Variants in KCNN1 observed in about 807,000 individuals in gnomAD.
KCNN1 encodes the protein small conductance calcium-activated potassium channel protein 1.
A neutral mutation model predicts 44.7 loss-of-function variants in KCNN1; 20 were observed. That is an observed-to-expected ratio of 0.45 (90% CI 0.32 to 0.65). KCNN1 has a LOEUF of 0.65. Among genes scored for constraint, KCNN1 ranks in the 30% least tolerant of loss-of-function variants. The probability of loss-of-function intolerance (pLI) is 0.05; values close to 1 mark genes in which losing one functional copy is unlikely to be tolerated. For synonymous variants in KCNN1, 324 were observed against 341.7 expected (o/e 0.95, Z 0.57); for missense variants, 632 against 785.3 (o/e 0.80, Z 2.33).
chr19:17,973,905 A>C lies in KCNN1; in HGVS notation c.17A>C (p.Tyr6Ser), dbSNP rs767884449. 1.9e-6 allele frequency: 3 copies of C among 1,554,196 alleles called. No homozygotes were observed. Among genetic ancestry groups the C allele is most frequent in the Non-Finnish European group, 2.6e-6 (3 of 1,151,198 alleles). ...CAGGTAGTCATGAACAGCCACAGCT[A>C]CAATGGCAGCGTGGGGCGGCCGCTG... MNSHS[Y>S]NGSVGRPLGS... The change falls in exon 2 of 10, where the codon TAC (tyrosine) becomes TCC (serine). Residue 6 changes from tyrosine (Y) to serine (S), a missense_variant. By Grantham distance (144) the Tyr-to-Ser change is moderately radical. Around this residue, in one of 3 missense-constraint regions of KCNN1, gnomAD observed 235 missense variants for 224.0 expected, o/e 1.05. Transcript: ENST00000684775.
chr19:17,991,176 C>T (rs1004673301), intron 7 of KCNN1, among the ~76,000 whole-genome samples: 4 of 151,482 alleles, frequency 2.6e-5, no homozygotes, highest in South Asian at 2.1e-4. Context: ...TAAAGCGAGG[C>T]GTGGTGACTC....
chr19:17,970,158 G>A (rs552246203), intron 1 of KCNN1, among the ~76,000 whole-genome samples: 7 of 150,928 alleles, frequency 4.6e-5, no homozygotes, highest in Admixed American at 4.6e-4. Flanking sequence ...GGGCCTGCGG[G>A]AGGTCAGGCC....
rs902990119 is a variant in KCNN1, at chr19:17,981,845, G to A, written c.635G>A (p.Arg212Gln). 3.1e-6 allele frequency: 5 copies of A among 1,612,746 alleles called. No homozygotes were observed. Among genetic ancestry groups the A allele is most frequent in the Middle Eastern group, 1.7e-4 (1 of 6,060 alleles). ...PGHYRFTWTA[R>Q]LAFTYAPSVA... ...CACTACCGCTTCACGTGGACGGCGCGGCTGGCCTTCACGTACGCGCCCTCG... is the reference window on the plus strand; with the variant it reads ...CACTACCGCTTCACGTGGACGGCGCAGCTGGCCTTCACGTACGCGCCCTCG... The change falls in exon 4 of 10, where the codon CGG becomes CAG. Residue 212 changes from arginine to glutamine, a missense_variant. By Grantham distance (43) the Arg-to-Gln change is conservative. This residue lies in a region of KCNN1 where 160 missense variants were observed against 308.3 expected (regional missense o/e 0.52). Transcript: ENST00000684775.
At position 17,982,048 on chromosome 19, in the gene KCNN1, A is replaced by C; in HGVS notation, c.838A>C (p.Ile280Leu). 1 of 1,609,526 alleles carries C rather than the reference A, an allele frequency of 6.2e-7. No individual in the cohort carries two copies. The highest frequency in any genetic ancestry group is 8.5e-7 in the Non-Finnish European group (1 of 1,178,226). ...CTTCGTCATGAAGACACTCATGACCATCTGCCCCGGCACCGTGCTGCTGGT... is the reference window on the plus strand; with the variant it reads ...CTTCGTCATGAAGACACTCATGACCCTCTGCCCCGGCACCGTGCTGCTGGT... ...TRFVMKTLMT[I>L]CPGTVLLVFS... Residue 280 changes from isoleucine to leucine, a missense_variant, in exon 4 of 10, where the codon ATC (isoleucine) becomes CTC (leucine). Transcript: ENST00000684775.
At chr19:17,966,506 C>T (rs2031813295), upstream of KCNN1, among the ~76,000 whole-genome samples, 1 of 152,176 alleles carries the variant, frequency 6.6e-6, no homozygotes, top group African/African-American at 2.4e-5. Context: ...GCTCTGGCTT[C>T]CTGTCATCCT....
At chr19:17,990,343 G>C (rs953504946) in intron 7 of KCNN1, among the ~76,000 whole-genome samples, 2 of 151,832 alleles carry the variant, frequency 1.3e-5, no homozygotes, top group Non-Finnish European at 2.9e-5. Flanking sequence ...ACTTAACTGG[G>C]TGTGGTGGTG....
Position 17,974,050 on chromosome 19 carries a change from C to CTCA in KCNN1, c.163_165dup (p.Ser55dup). 6.2e-7 allele frequency: 1 copy of CTCA among 1,610,632 alleles called. No homozygotes were observed. Among genetic ancestry groups the CTCA allele is most frequent in the Non-Finnish European group, 8.5e-7 (1 of 1,179,310 alleles). ...TGGCCAAGAGTGAGCCAGCCCGGCC[C>CTCA]TCACCCGGCAGCCCCCGGGGGCAGC... is the stretch of plus-strand genomic sequence containing the variant. On this transcript the variant is annotated inframe_insertion, in exon 2 of 10. Coordinates refer to ENST00000684775, the MANE Select transcript of KCNN1 (RefSeq NM_001386974.1). The surrounding 1 kb of genome is among the most constrained non-coding windows in gnomAD (Gnocchi z 7.3).
intron 2 of KCNN1, among the ~76,000 whole-genome samples, chr19:17,957,538 C>T (rs774849242): frequency 2.0e-5 from 3 of 152,034 alleles, no homozygotes; most frequent in African/African-American, 4.8e-5. Flanking sequence ...CTGCTGACAG[C>T]TGGGGGAACA....
Position 17,997,901 on chromosome 19 carries a change from G to GA in KCNN1, c.1378-237dup, listed in dbSNP as rs1320495136. On this transcript the variant is annotated intron_variant, in intron 9 of 9. Transcript: ENST00000684775. ...TGACGGAGGGAGTCTCTGTCTCAAAGAAAAAAAAAAAAAAGAGAGAAAGAA... is the reference window on the plus strand; with the variant it reads ...TGACGGAGGGAGTCTCTGTCTCAAAGAAAAAAAAAAAAAAAGAGAGAAAGAA... Among the ~76,000 whole-genome samples, 395 of 123,934 alleles carry GA rather than the reference G, an allele frequency of 3.2e-3. 2 individuals carry two copies. The highest frequency in any genetic ancestry group is 4.8e-3 in the Non-Finnish European group (277 of 57,516). The allele number at this position is 123,934 out of a possible 152,430, so 81.3% of individuals were successfully genotyped here. A position where few individuals can be genotyped will look rare whatever the true frequency, so the allele number is the denominator to read the frequency against.
intron 2 of KCNN1, 51 bp from the exon 3 acceptor site, chr19:17,975,041 C>T: frequency 6.7e-7 from 1 of 1,489,942 alleles, no homozygotes; most frequent in East Asian, 2.3e-5. Flanking sequence ...GGGAGGGCCG[C>T]CGGCCCACCG....
intron 3 of KCNN1, among the ~76,000 whole-genome samples, chr19:17,976,504 C>T (rs1193866888): frequency 1.3e-5 from 2 of 150,800 alleles, no homozygotes; most frequent in African/African-American, 2.4e-5. Flanking sequence ...CCGCAACCTA[C>T]GCCTCCTGGG....
intron 2 of KCNN1, among the ~76,000 whole-genome samples, chr19:17,960,955 G>A (rs1240029285): frequency 6.6e-6 from 1 of 151,976 alleles, no homozygotes; most frequent in Non-Finnish European, 1.5e-5. Context: ...GTGGGCCAAA[G>A]CAGGTAGATC....
In KCNN1 at chr19:17,990,814, AG is replaced by A. The variant is rs199972503; in HGVS notation, c.1298+972del. Among the ~76,000 whole-genome samples the A allele has an allele frequency of 7.7e-4, 115 of 148,614 alleles. 19 individuals carry two copies. Among genetic ancestry groups the A allele is most frequent in the East Asian group, 1.4e-3 (7 of 5,104 alleles). ...GACTCTGTCTCAAAAAAAAAAAAAA[AG>A]AAAGAAAAAGAAAAAAAAGAAGAAA... On this transcript the variant is annotated intron_variant, in intron 7 of 9. Transcript: ENST00000684775.
At chr19:17,990,339 C>G (rs2032744043) in intron 7 of KCNN1, among the ~76,000 whole-genome samples, 1 of 151,558 alleles carries the variant, frequency 6.6e-6, no homozygotes, top group Non-Finnish European at 1.5e-5. Flanking sequence ...AAGAACTTAA[C>G]TGGGTGTGGT....
In KCNN1 at chr19:17,994,912, T is replaced by C. The variant is rs138752906; in HGVS notation, c.1377+1353T>C. On this transcript the variant is annotated intron_variant, in intron 9 of 9. Transcript: ENST00000684775. ...GGACCAGTTGCAATTAATCAAGTGC[T>C]TGAGATCTTTGCAACACTGATTTGA... is the stretch of plus-strand genomic sequence containing the variant. Among the ~76,000 whole-genome samples, 583 of 152,348 alleles carry C rather than the reference T, an allele frequency of 3.8e-3. 3 individuals are homozygous for C. The highest frequency in any genetic ancestry group is 9.1e-3 in the Admixed American group (140 of 15,304).
upstream of KCNN1, among the ~76,000 whole-genome samples, chr19:17,965,261 G>A (rs1420190692): frequency 7.2e-6 from 1 of 139,216 alleles, no homozygotes; most frequent in Non-Finnish European, 1.6e-5. Flanking sequence ...GCGACAAAGT[G>A]AGACTCTGTC....
At chr19:17,970,270 C>G (rs1365728480) in intron 1 of KCNN1, among the ~76,000 whole-genome samples, 1 of 131,764 alleles carries the variant, frequency 7.6e-6, no homozygotes, top group African/African-American at 2.9e-5. Context: ...CATGAGGTCA[C>G]CTGACCATAG....
intron 9 of KCNN1, among the ~76,000 whole-genome samples, chr19:17,996,100 A>G (rs2145979597): frequency 7.0e-6 from 1 of 143,400 alleles, no homozygotes; most frequent in Non-Finnish European, 1.5e-5. Flanking sequence ...GAAGTTGAGG[A>G]GGGGGGATCA....
chr19:17,982,232 C>A, intron 4 of KCNN1, 105 bp downstream of exon 4: 1 of 978,940 alleles, frequency 1.0e-6, no homozygotes, highest in Non-Finnish European at 1.5e-6. Context: ...CCGACCCTGG[C>A]CATTGCTTCT....
Sources: gnomAD v4.1 joint callset for allele counts (sites outside exome capture counted in the v4.1 genomes callset) on GRCh38, gnomAD v4.1.1 for gene constraint, gnomAD v4.1.1 regional missense constraint, Gnocchi (gnomAD v3.1) non-coding constraint, MANE v1.5 for transcripts, NCBI Gene and HGNC (gene_info 2026-07-23, HGNC 2026-07-21) for gene names.